The following TXNL4A variants were observed in gnomAD, a reference collection of about 807,000 sequenced individuals.
The protein encoded by TXNL4A is thioredoxin-like protein 4A.
TXNL4A carries 17 observed loss-of-function variants against 14.6 expected under a neutral mutation model. The ratio of observed to expected loss-of-function variants is 1.16; its 90% CI spans 0.80 to 1.74. The LOEUF is 1.74. Among genes scored for constraint, TXNL4A ranks in the 40% most tolerant of loss-of-function variants. The probability of loss-of-function intolerance (pLI) is 0.00; values close to 1 mark genes in which losing one functional copy is unlikely to be tolerated. For synonymous variants in TXNL4A, 83 were observed against 70.6 expected, an observed-to-expected ratio of 1.18 and a Z score of -0.88; for missense variants, 74 against 195.2, an observed-to-expected ratio of 0.38 and a Z score of 3.70.
intron 1 of TXNL4A, among the ~76,000 whole-genome samples, chr18:80,033,536 C>T (rs562760542): frequency 1.3e-5 from 2 of 152,386 alleles, no homozygotes; most frequent in African/African-American, 4.8e-5. Flanking sequence ...AGCAGCAAAG[C>T]CCTGGAGGGC....
intron 1 of TXNL4A, among the ~76,000 whole-genome samples, chr18:80,013,102 T>C (rs945627013): frequency 6.2e-5 from 9 of 146,176 alleles, no homozygotes; most frequent in Non-Finnish European, 1.5e-5. Flanking sequence ...ACAAAAAAAA[T>C]TAAAAAAGGA....
chr18:79,986,536 T>C (rs2051551346), intron 1 of TXNL4A: 15 of 975,790 alleles, frequency 1.5e-5, no homozygotes, highest in African/African-American at 1.8e-5. Context: ...CATTCTGTAA[T>C]AACAAAGAAA....
chr18:80,002,079 G>T (rs568218842), intron 1 of TXNL4A, among the ~76,000 whole-genome samples: 1 of 152,254 alleles, frequency 6.6e-6, no homozygotes, highest in Admixed American at 6.5e-5. Context: ...TAGGGGGGCA[G>T]TTTTTCCCCA....
At chr18:80,025,568 G>C (rs1391796882) in intron 1 of TXNL4A, among the ~76,000 whole-genome samples, 1 of 152,202 alleles carries the variant, frequency 6.6e-6, no homozygotes, top group Non-Finnish European at 1.5e-5. Context: ...CCCCATTTTG[G>C]GAACAACTGG....
intron 1 of TXNL4A, among the ~76,000 whole-genome samples, chr18:80,030,994 T>C (rs1295435685): frequency 6.6e-6 from 1 of 152,084 alleles, no homozygotes; most frequent in East Asian, 1.9e-4. Context: ...AAAAACACTC[T>C]TAAGAACAAA....
rs2145042424 is a variant in TXNL4A, at chr18:79,972,069, G to A, written c.*1616C>T. On this transcript the variant is annotated 3_prime_UTR_variant, in exon 3 of 3. Transcript: ENST00000269601. ...TAAAAAGCACACACTCATTTGTACT[G>A]TATGTAAAAAATGTGCTTCATTCTG... 2 of 152,308 alleles carry A rather than the reference G, an allele frequency of 1.3e-5. No homozygotes were observed. Among genetic ancestry groups the A allele is most frequent in the South Asian group, 4.1e-4 (2 of 4,828 alleles). 9.4% of individuals were successfully genotyped at this position (152,308 alleles called of 1,614,324 possible). A position where few individuals can be genotyped will look rare whatever the true frequency, so the allele number is the denominator to read the frequency against.
chr18:79,974,774 G>A (rs1255452710), intron 2 of TXNL4A, among the ~76,000 whole-genome samples: 2 of 152,048 alleles, frequency 1.3e-5, no homozygotes, highest in Non-Finnish European at 2.9e-5. Context: ...CCACTGTGCC[G>A]GCCTGATTAT....
chr18:79,991,303 C>T (rs1355078278), upstream of TXNL4A, among the ~76,000 whole-genome samples: 9 of 152,044 alleles, frequency 5.9e-5, no homozygotes, highest in African/African-American at 2.2e-4. Flanking sequence ...CCCTCAGCCC[C>T]TGGCAATCAC....
chr18:80,021,428 C>T (rs538711241), intron 1 of TXNL4A, among the ~76,000 whole-genome samples: 6 of 152,278 alleles, frequency 3.9e-5, no homozygotes, highest in Middle Eastern at 3.4e-3. Context: ...CTGCCCCCCT[C>T]GGCCTCCCAA....
intron 1 of TXNL4A, among the ~76,000 whole-genome samples, chr18:80,027,562 C>T (rs1039996430): frequency 7.2e-5 from 11 of 152,120 alleles, no homozygotes; most frequent in African/African-American, 2.2e-4. Context: ...TATATGTGGA[C>T]GGTAATGCCT....
At chr18:79,990,396 CA>C (rs1039344358), upstream of TXNL4A, among the ~76,000 whole-genome samples, 23 of 152,332 alleles carry the variant, frequency 1.5e-4, no homozygotes, top group Admixed American at 1.4e-3. Context: ...AAGGCGTGTT[CA>C]GGTTCATCTG....
At chr18:80,004,058 G>A (rs1489225825) in intron 1 of TXNL4A, among the ~76,000 whole-genome samples, 1 of 151,888 alleles carries the variant, frequency 6.6e-6, no homozygotes, top group African/African-American at 2.4e-5. Context: ...CAAAGTCCTG[G>A]CTTCAAGAAA....
At chr18:79,995,019 C>T (rs1837818899) in intron 1 of TXNL4A, 1 of 152,246 alleles carries the variant, frequency 6.6e-6, no homozygotes. Flanking sequence ...GGACTCCTCT[C>T]ATGATCAACC....
chr18:80,028,829 C>T (rs549350283), intron 1 of TXNL4A, among the ~76,000 whole-genome samples: 100 of 152,298 alleles, frequency 6.6e-4, no homozygotes, highest in African/African-American at 2.2e-3. Context: ...CTCCTCAGGG[C>T]AACCCATAAA....
Position 79,972,986 on chromosome 18 carries a change from A to G in TXNL4A, c.*699T>C, listed in dbSNP as rs1295559316. 1 of 152,200 alleles carries G rather than the reference A, an allele frequency of 6.6e-6. No individual in the cohort carries two copies. The highest frequency in any genetic ancestry group is 1.5e-5 in the Non-Finnish European group (1 of 68,048). The allele number at this position is 152,200 out of a possible 1,614,324, so 9.4% of individuals were successfully genotyped here. A position where few individuals can be genotyped will look rare whatever the true frequency, so the allele number is the denominator to read the frequency against. On this transcript the variant is annotated 3_prime_UTR_variant, in exon 3 of 3. Transcript: ENST00000269601. ...CGCAAAATTTATATATTGAAGTCCT[A>G]ACCCCCAGCACCTCAGACTGTGACT...
At chr18:80,009,293 C>G (rs535018827) in intron 1 of TXNL4A, among the ~76,000 whole-genome samples, 26 of 152,210 alleles carry the variant, frequency 1.7e-4, no homozygotes, top group Non-Finnish European at 3.5e-4. Context: ...CAGGAAACAT[C>G]AGTGCCTCAG....
At chr18:80,013,145 G>A (rs572515813) in intron 1 of TXNL4A, among the ~76,000 whole-genome samples, 3 of 149,312 alleles carry the variant, frequency 2.0e-5, no homozygotes, top group Admixed American at 6.7e-5. Flanking sequence ...TTTTGAGACG[G>A]AGTCTGGCTC....
chr18:79,977,811 T>C (rs1599715066), intron 1 of TXNL4A, 110 bp from the exon 2 acceptor site: 4 of 294,512 alleles, frequency 1.4e-5, no homozygotes, highest in Non-Finnish European at 2.1e-5. Context: ...TCAGGGCAAT[T>C]TTTGTTTTGT....
chr18:79,984,931 T>C (rs1411785921), intron 1 of TXNL4A, among the ~76,000 whole-genome samples: 2 of 152,130 alleles, frequency 1.3e-5, no homozygotes, highest in African/African-American at 2.4e-5. Context: ...CAAAGGCACA[T>C]GAAATTGTCC....
Sources: allele counts gnomAD v4.1 joint callset (sites outside exome capture counted in the v4.1 genomes callset), GRCh38; gene constraint gnomAD v4.1.1; transcripts MANE v1.5; gene names NCBI Gene and HGNC (gene_info 2026-07-23, HGNC 2026-07-21).